Variants in UBAP2 observed in about 807,000 individuals in gnomAD.
UBAP2 encodes the protein ubiquitin associated protein 2.
In UBAP2, 75 loss-of-function variants were observed where a neutral mutation model predicts 139.6. That is an observed-to-expected ratio of 0.54 (90% CI 0.45 to 0.65). UBAP2 has a LOEUF of 0.65. Among genes scored for constraint, UBAP2 ranks in the 30% least tolerant of loss-of-function variants. The pLI, the probability that UBAP2 is intolerant of heterozygous loss-of-function variation, is 0.00. For synonymous variants in UBAP2, 526 were observed against 526.2 expected (o/e 1.00, Z 0.01); for missense variants, 1,368 against 1,369.6 (o/e 1.00, Z 0.02).
Position 33,996,235 on chromosome 9 carries a change from CCCTT to C in UBAP2, c.272_275del (p.Glu91GlyfsTer11). The C allele has an allele frequency of 6.2e-7, 1 of 1,610,642 alleles. No homozygotes were observed. Among genetic ancestry groups the C allele is most frequent in the Non-Finnish European group, 8.5e-7 (1 of 1,177,594 alleles). ...TAATAATACTTACTGTGTCTGAATT[CCCTT>C]CCAGCAATATATTGATAGCTTTGTT... On this transcript the variant is annotated frameshift_variant, in exon 4 of 29. Transcript: ENST00000379238. LOFTEE classifies it high-confidence loss of function.
chr9:33,947,841 A>G (rs1016588214), intron 13 of UBAP2, among the ~76,000 whole-genome samples: 1 of 151,720 alleles, frequency 6.6e-6, no homozygotes, highest in Non-Finnish European at 1.5e-5. Context: ...AAAAAAAATA[A>G]AATAATAGAG....
chr9:34,015,157 A>G (rs1824136567), intron 2 of UBAP2, among the ~76,000 whole-genome samples: 1 of 152,234 alleles, frequency 6.6e-6, no homozygotes, highest in South Asian at 2.1e-4. Context: ...ACTTACTTGC[A>G]TATTGCCTAT....
At chr9:33,991,102 T>C (rs563492155) in intron 4 of UBAP2, among the ~76,000 whole-genome samples, 1 of 151,980 alleles carries the variant, frequency 6.6e-6, no homozygotes, top group Non-Finnish European at 1.5e-5. Flanking sequence ...CTGGCCAACA[T>C]TGTGAAACTC....
intron 1 of UBAP2, among the ~76,000 whole-genome samples, chr9:34,045,149 C>T (rs1487724828): frequency 6.6e-6 from 1 of 151,870 alleles, no homozygotes; most frequent in Non-Finnish European, 1.5e-5. Flanking sequence ...AGATCAAGAC[C>T]ATCTGGCTAA....
At chr9:34,020,069 A>G (rs1824782098) in intron 1 of UBAP2, among the ~76,000 whole-genome samples, 1 of 149,558 alleles carries the variant, frequency 6.7e-6, no homozygotes, top group African/African-American at 2.5e-5. Flanking sequence ...CTGAAGCAGG[A>G]TAATTGCTTG....
chr9:34,001,568 T>C (rs529184403), intron 2 of UBAP2, among the ~76,000 whole-genome samples: 1 of 152,372 alleles, frequency 6.6e-6, no homozygotes, highest in East Asian at 1.9e-4. Flanking sequence ...GGGCAAGCGG[T>C]TTGTGCCCCA....
At chr9:34,029,099 G>A (rs945871258) in intron 1 of UBAP2, among the ~76,000 whole-genome samples, 3 of 151,930 alleles carry the variant, frequency 2.0e-5, no homozygotes, top group African/African-American at 4.8e-5. Flanking sequence ...CTGGGCAATA[G>A]AGTAAGACCA....
Position 33,923,837 on chromosome 9 carries a change from G to A in UBAP2, c.2754C>T (p.Tyr918=). 3.1e-6 allele frequency: 5 copies of A among 1,614,238 alleles called. No individual in the cohort carries two copies. Among genetic ancestry groups the A allele is most frequent in the Non-Finnish European group, 4.2e-6 (5 of 1,180,042 alleles). Residue 918 remains tyrosine (Y), a synonymous_variant, in exon 24 of 29, where the codon TAC becomes TAT. Coordinates refer to ENST00000379238, the MANE Select transcript of UBAP2 (RefSeq NM_001370062.2). ...PGYSYTGLPY[Y]TGMPSAFQYG... Reference sequence around the variant, plus strand: ...ACTGGAAGGCACTGGGCATGCCTGTGTAGTAGGGAAGACCAGTGTAGCTAT... The same window carrying A: ...ACTGGAAGGCACTGGGCATGCCTGTATAGTAGGGAAGACCAGTGTAGCTAT...
intron 2 of UBAP2, among the ~76,000 whole-genome samples, chr9:34,009,698 A>T (rs1165519909): frequency 6.6e-6 from 1 of 152,038 alleles, no homozygotes; most frequent in East Asian, 1.9e-4. Flanking sequence ...GGACTCAAGC[A>T]ATCCTCCCAC....
chr9:33,931,336 A>G (rs1823962811), intron 19 of UBAP2, among the ~76,000 whole-genome samples: 1 of 152,234 alleles, frequency 6.6e-6, no homozygotes. Flanking sequence ...CAGTTCTGTC[A>G]TGCTGACAAA....
chr9:34,047,050 G>A (rs1261650630), intron 1 of UBAP2, among the ~76,000 whole-genome samples: 4 of 152,128 alleles, frequency 2.6e-5, no homozygotes, highest in African/African-American at 7.2e-5. Context: ...AGGCAAGAGA[G>A]GCAATTACCA....
chr9:33,951,539 G>A (rs1187092816), intron 12 of UBAP2, among the ~76,000 whole-genome samples: 6 of 151,596 alleles, frequency 4.0e-5, no homozygotes, highest in Admixed American at 4.0e-4. Flanking sequence ...TAGAGATGGG[G>A]TTTTACCACA....
chr9:33,963,903 G>A (rs1827260983), intron 8 of UBAP2, 112 bp from the exon 9 acceptor site: 1 of 746,366 alleles, frequency 1.3e-6, no homozygotes, highest in Non-Finnish European at 2.3e-6. Context: ...ACTGCCCAAG[G>A]ATAGTGAAAT....
Position 33,926,662 on chromosome 9 carries a change from G to T in UBAP2, c.2466C>A (p.Ile822=), listed in dbSNP as rs1297518616. Residue 822 remains isoleucine (I), a splice_region_variant and synonymous_variant, in exon 22 of 29, where the codon ATC becomes ATA. Transcript: ENST00000379238. ...GCATCTGGAGCTCGTCATAGCCATA[G>T]ATCTGTGTGAGAACCAGAAAGTGTA... ...GPGGLLPAYP[I]YGYDELQMLQ... 6.2e-7 allele frequency: 1 copy of T among 1,614,204 alleles called. No individual in the cohort carries two copies.
At chr9:33,961,556 T>C (rs1053655177) in intron 9 of UBAP2, among the ~76,000 whole-genome samples, 1 of 152,104 alleles carries the variant, frequency 6.6e-6, no homozygotes, top group Non-Finnish European at 1.5e-5. Context: ...TACTTACAGA[T>C]CTTATATAAG....
chr9:33,968,483 T>G, intron 8 of UBAP2: 1 of 543,964 alleles, frequency 1.8e-6, no homozygotes, highest in Non-Finnish European at 3.7e-6. Context: ...GTTGGGACAT[T>G]TGAGCACTAA....
intron 10 of UBAP2, among the ~76,000 whole-genome samples, chr9:33,960,501 C>T (rs531257542): frequency 3.3e-5 from 5 of 152,160 alleles, no homozygotes; most frequent in East Asian, 3.9e-4. Flanking sequence ...ATCGGCCAGG[C>T]GCAGTGTCTC....
chr9:34,012,867 A>C (rs2131258440), intron 2 of UBAP2, among the ~76,000 whole-genome samples: 1 of 151,068 alleles, frequency 6.6e-6, no homozygotes, highest in South Asian at 2.1e-4. Context: ...ATTGAGGTTC[A>C]CGGTCAGGCC....
intron 19 of UBAP2, among the ~76,000 whole-genome samples, chr9:33,932,334 G>T (rs1444832848): frequency 1.3e-5 from 2 of 152,118 alleles, no homozygotes; most frequent in Non-Finnish European, 2.9e-5. Context: ...GACAGATAAG[G>T]TCTGGAGCAA....
Sources: gnomAD v4.1 joint callset for allele counts (sites outside exome capture counted in the v4.1 genomes callset) on GRCh38, gnomAD v4.1.1 for gene constraint, MANE v1.5 for transcripts, NCBI Gene and HGNC (gene_info 2026-07-23, HGNC 2026-07-21) for gene names.